The following ARK2C variants were observed in gnomAD, a reference collection of about 807,000 sequenced individuals.
ARK2C encodes the protein E3 ubiquitin-protein ligase ARK2C.
At chr18:46,336,168 G>T in the ARK2C span, 7 of 985,154 alleles carry the variant, frequency 7.1e-6, no homozygotes, top group Non-Finnish European at 8.4e-6. Flanking sequence ...TCTTAAAACG[G>T]GTGTGGAACA....
chr18:46,423,885 C>T, the ARK2C span, among the ~76,000 whole-genome samples: 1 of 152,294 alleles, frequency 6.6e-6, no homozygotes, highest in South Asian at 2.1e-4. Context: ...CTCTTTCTTC[C>T]TCCTTTCCCT....
At chr18:46,359,059 C>T in the ARK2C span, among the ~76,000 whole-genome samples, 1 of 152,218 alleles carries the variant, frequency 6.6e-6, no homozygotes, top group Non-Finnish European at 1.5e-5. Context: ...CCTCCCAGGA[C>T]TCAGTTGTCC....
the ARK2C span, among the ~76,000 whole-genome samples, chr18:46,379,488 G>C: frequency 6.6e-6 from 1 of 152,176 alleles, no homozygotes; most frequent in Non-Finnish European, 1.5e-5. Flanking sequence ...GTCCAGAGAG[G>C]TTAAGTGACC....
the ARK2C span, among the ~76,000 whole-genome samples, chr18:46,398,450 A>G: frequency 6.6e-5 from 10 of 151,902 alleles, no homozygotes; most frequent in African/African-American, 2.4e-4. Context: ...CTAGCCCCTT[A>G]CCCCCAAGGT....
chr18:46,450,872 G>C, the ARK2C span: 27 of 1,125,944 alleles, frequency 2.4e-5, no homozygotes, highest in Non-Finnish European at 3.3e-5. Flanking sequence ...ACTCTGGCCT[G>C]GTTGTTCACA....
the ARK2C span, among the ~76,000 whole-genome samples, chr18:46,429,847 T>G: frequency 6.6e-6 from 1 of 152,114 alleles, no homozygotes; most frequent in African/African-American, 2.4e-5. Flanking sequence ...CCTCAAGTGG[T>G]CCTCTTGCCT....
the ARK2C span, among the ~76,000 whole-genome samples, chr18:46,360,920 C>T: frequency 6.6e-6 from 1 of 152,254 alleles, no homozygotes; most frequent in Non-Finnish European, 1.5e-5. Flanking sequence ...GTCAGCCCCA[C>T]AGCAAGTGAC....
At chr18:46,436,217 A>G in the ARK2C span, among the ~76,000 whole-genome samples, 7 of 152,252 alleles carry the variant, frequency 4.6e-5, 1 homozygote, top group East Asian at 1.3e-3. Flanking sequence ...AGGGGAAAAA[A>G]ATCTATCTAT....
chr18:46,386,910 T>C, the ARK2C span: 4 of 152,274 alleles, frequency 2.6e-5, no homozygotes, highest in African/African-American at 9.7e-5. Context: ...TCATGGGCAG[T>C]GTTTGGGTGG....
the ARK2C span, among the ~76,000 whole-genome samples, chr18:46,401,386 A>T: frequency 6.6e-6 from 1 of 152,126 alleles, no homozygotes; most frequent in African/African-American, 2.4e-5. Flanking sequence ...TTTCTTATGC[A>T]ATTTTTCAAA....
At chr18:46,337,420 C>G in the ARK2C span, 1 of 985,160 alleles carries the variant, frequency 1.0e-6, no homozygotes, top group African/African-American at 1.7e-5. Flanking sequence ...TTTACATCCC[C>G]CAGTTGACAA....
chr18:46,418,181 C>T, the ARK2C span, among the ~76,000 whole-genome samples: 1 of 152,090 alleles, frequency 6.6e-6, no homozygotes, highest in South Asian at 2.1e-4. Context: ...AGACCCCTAT[C>T]TCTACAAAAA....
chr18:46,452,975 C>T, the ARK2C span, among the ~76,000 whole-genome samples: 14 of 152,124 alleles, frequency 9.2e-5, no homozygotes, highest in Admixed American at 6.5e-4. Context: ...GGGGACTCAA[C>T]GGGATGATGC....
At chr18:46,380,188 A>AT in the ARK2C span, among the ~76,000 whole-genome samples, 1 of 152,122 alleles carries the variant, frequency 6.6e-6, no homozygotes, top group African/African-American at 2.4e-5. Flanking sequence ...AAAATGGAAG[A>AT]CTGGATGGTC....
chr18:46,379,311 C>T, the ARK2C span, among the ~76,000 whole-genome samples: 1 of 152,324 alleles, frequency 6.6e-6, no homozygotes, highest in East Asian at 1.9e-4. Context: ...AACACAAAAC[C>T]CTCTCCTTAA....
At chr18:46,401,859 C>T in the ARK2C span, among the ~76,000 whole-genome samples, 3 of 152,126 alleles carry the variant, frequency 2.0e-5, no homozygotes, top group African/African-American at 7.2e-5. Context: ...GTTGAAGGGC[C>T]GGAGGCTTCA....
At chr18:46,416,941 ACT>A in the ARK2C span, among the ~76,000 whole-genome samples, 11 of 152,064 alleles carry the variant, frequency 7.2e-5, no homozygotes, top group Non-Finnish European at 1.5e-4. Flanking sequence ...GGGAAAGTAG[ACT>A]CTGCCTTTAA....
At chr18:46,433,585 G>A in the ARK2C span, 2 of 1,274,872 alleles carry the variant, frequency 1.6e-6, no homozygotes, top group Non-Finnish European at 2.1e-6. Flanking sequence ...GCAGGGCCAG[G>A]ACGAGGGCGT....
chr18:46,447,819 G>A, the ARK2C span: 63 of 1,090,626 alleles, frequency 5.8e-5, no homozygotes, highest in Admixed American at 7.0e-4. Flanking sequence ...CCTGTGCCCC[G>A]GCTTCCACAT....
Sources: allele counts gnomAD v4.1 joint callset (sites outside exome capture counted in the v4.1 genomes callset), GRCh38; gene constraint gnomAD v4.1.1; transcripts MANE v1.5; gene names NCBI Gene and HGNC (gene_info 2026-07-23, HGNC 2026-07-21).